OTUD7A: variants seen among roughly 807,000 people sequenced by gnomAD.
The protein encoded by OTUD7A is OTU domain-containing protein 7A.
In OTUD7A, 12 loss-of-function variants were observed where a neutral mutation model predicts 65.7. That is an observed-to-expected ratio of 0.18 (90% confidence interval 0.12 to 0.30). The LOEUF is 0.30. Among genes scored for constraint, OTUD7A ranks in the 10% least tolerant of loss-of-function variants. OTUD7A has a pLI of 1.00. For synonymous variants in OTUD7A, 641 were observed against 586.3 expected (o/e 1.09, Z -1.35); for missense variants, 1,148 against 1,304.8 (o/e 0.88, Z 1.85).
At chr15:31,735,860 T>A (rs1595735528) in intron 1 of OTUD7A, among the ~76,000 whole-genome samples, 1 of 152,162 alleles carries the variant, frequency 6.6e-6, no homozygotes, top group Admixed American at 6.5e-5. Context: ...TACATAAACA[T>A]CATGGAATAC....
intron 1 of OTUD7A, among the ~76,000 whole-genome samples, chr15:31,869,185 A>G (rs187516986): frequency 5.9e-5 from 9 of 152,130 alleles, no homozygotes; most frequent in Admixed American, 2.6e-4. Context: ...TTTAGTGGGG[A>G]ATGTTTATCC....
intron 5 of OTUD7A, among the ~76,000 whole-genome samples, chr15:31,534,654 A>G (rs187057963): frequency 6.6e-6 from 1 of 152,340 alleles, no homozygotes; most frequent in East Asian, 1.9e-4. Flanking sequence ...CACACAGAAA[A>G]TCATAAGGAA....
In OTUD7A at chr15:31,753,707, T is replaced by TAACCTGTG. The variant is rs1567004946; in HGVS notation, c.-99-96631_-99-96630insCACAGGTT. Among the ~76,000 whole-genome samples, 168 of 75,334 alleles carry TAACCTGTG rather than the reference T, an allele frequency of 2.2e-3. 1 individual carries two copies. Among genetic ancestry groups the TAACCTGTG allele is most frequent in the African/African-American group, 0.011 (164 of 15,216 alleles). The allele number at this position is 75,334 out of a possible 152,430, so 49.4% of individuals were successfully genotyped here. On this transcript the variant is annotated intron_variant, in intron 1 of 12. Coordinates refer to ENST00000307050, the MANE Select transcript of OTUD7A (RefSeq NM_001382637.1). Reference sequence around the variant, plus strand: ...GTGAGATATATATATATATATTATATATATATATATATATTATATATATAT... The same window carrying TAACCTGTG: ...GTGAGATATATATATATATATTATATAACCTGTGATATATATATATATTATATATATAT...
rs1349631669 is a variant in OTUD7A at position 31,484,007 on chromosome 15, TGGCGGCGGCGGCGGCGGCGGCAGC to T, written c.2065_2088del (p.Ala689_Ala696del). Reference sequence around the variant, plus strand: ...GGTCTGCGCGGCGGCCGCTTGGCCGTGGCGGCGGCGGCGGCGGCGGCAGCGGCGGCCGCAGTAGCGGCGTCGCGG... The same window carrying T: ...GGTCTGCGCGGCGGCCGCTTGGCCGTGGCGGCCGCAGTAGCGGCGTCGCGG... On this transcript the variant is annotated inframe_deletion, in exon 13 of 13. Transcript: ENST00000307050. This position sits in a 1 kb window ranked among gnomAD's most constrained non-coding sequence, Gnocchi z 4.5. 9.4e-6 allele frequency: 11 copies of T among 1,171,294 alleles called. No homozygotes were observed. The highest frequency in any genetic ancestry group is 4.7e-5 in the Admixed American group (1 of 21,220). 72.6% of individuals were successfully genotyped at this position (1,171,294 alleles called of 1,614,324 possible).
intron 1 of OTUD7A, among the ~76,000 whole-genome samples, chr15:31,796,653 T>C (rs775035461): frequency 6.6e-6 from 1 of 152,224 alleles, no homozygotes; most frequent in African/African-American, 2.4e-5. Flanking sequence ...AGGAAAAAAG[T>C]AGCCACCAAG....
intron 1 of OTUD7A, among the ~76,000 whole-genome samples, chr15:31,823,960 G>T (rs1243202927): frequency 6.6e-6 from 1 of 152,110 alleles, no homozygotes; most frequent in African/African-American, 2.4e-5. Context: ...TTCATTCATG[G>T]GTTATTTCAT....
chr15:31,853,420 G>A (rs1488857311), intron 1 of OTUD7A, among the ~76,000 whole-genome samples: 3 of 152,190 alleles, frequency 2.0e-5, no homozygotes, highest in African/African-American at 7.2e-5. Flanking sequence ...AAATCAAGGA[G>A]ACAGACACAA....
rs1464555969 is a variant in OTUD7A at position 31,487,823 on chromosome 15, C to T, written c.1172-257G>A. Among the ~76,000 whole-genome samples the T allele has an allele frequency of 2.6e-5, 4 of 152,186 alleles. No homozygotes were observed. The highest frequency in any genetic ancestry group is 6.5e-5 in the Admixed American group (1 of 15,290). ...TTGGGTCTGTCCAATGGCAGATACT[C>T]CATTGGGCAGCAGAATGGGAAAAAA... On this transcript the variant is annotated intron_variant, in intron 10 of 12. Coordinates refer to ENST00000307050, the MANE Select transcript of OTUD7A (RefSeq NM_001382637.1). This position sits in a 1 kb window ranked among gnomAD's most constrained non-coding sequence, Gnocchi z 6.0.
chr15:31,529,763 TG>T (rs1000217255), intron 6 of OTUD7A, among the ~76,000 whole-genome samples: 1 of 152,210 alleles, frequency 6.6e-6, no homozygotes. Context: ...GAGAGAGGTC[TG>T]GGGGCTGGCC....
intron 1 of OTUD7A, among the ~76,000 whole-genome samples, chr15:31,859,881 C>T (rs1376590885): frequency 1.3e-5 from 2 of 152,208 alleles, no homozygotes; most frequent in African/African-American, 4.8e-5. Context: ...AGCACGTACC[C>T]AGCAGTGACA....
chr15:31,864,279 A>G (rs1048336828), intron 1 of OTUD7A, among the ~76,000 whole-genome samples: 1 of 152,008 alleles, frequency 6.6e-6, no homozygotes, highest in Non-Finnish European at 1.5e-5. Context: ...TCACTTCCAC[A>G]TTTTCGAGTA....
At chr15:31,830,346 T>C (rs910280185) in intron 1 of OTUD7A, among the ~76,000 whole-genome samples, 1 of 152,150 alleles carries the variant, frequency 6.6e-6, no homozygotes, top group Non-Finnish European at 1.5e-5. Context: ...ATATCTGCAA[T>C]ACCAATGGAG....
chr15:31,521,353 C>T (rs1375224906), intron 8 of OTUD7A, among the ~76,000 whole-genome samples: 1 of 152,198 alleles, frequency 6.6e-6, no homozygotes, highest in Non-Finnish European at 1.5e-5. Context: ...AAGGCTCCTA[C>T]TTGAGAACCA....
At chr15:31,619,370 T>C (rs1890700803) in intron 3 of OTUD7A, among the ~76,000 whole-genome samples, 1 of 152,210 alleles carries the variant, frequency 6.6e-6, no homozygotes, top group African/African-American at 2.4e-5. Context: ...TTGGGCAGTA[T>C]GGCCATTTGA....
intron 3 of OTUD7A, among the ~76,000 whole-genome samples, chr15:31,602,403 AC>A (rs1890104546): frequency 6.6e-6 from 1 of 152,054 alleles, no homozygotes; most frequent in African/African-American, 2.4e-5. Flanking sequence ...AAAATTCAAC[AC>A]CCCTTCATGG....
chr15:31,484,194 G>A lies in OTUD7A; in HGVS notation c.1902C>T (p.Ala634=), dbSNP rs755935060. ...DVKLSLNILR[A]AMQGERKFIF... is the part of the protein sequence containing the mutation. ...TGAACTTGCGCTCCCCCTGCATGGC[G>A]GCGCGCAGGATGTTGAGGCTCAGCT... is the stretch of plus-strand genomic sequence containing the variant. Residue 634 remains alanine, a synonymous_variant, in exon 13 of 13, where the codon GCC becomes GCT. Coordinates refer to ENST00000307050, the MANE Select transcript of OTUD7A (RefSeq NM_001382637.1). The surrounding 1 kb of genome is among the most constrained non-coding windows in gnomAD (Gnocchi z 4.5). 6.2e-7 allele frequency: 1 copy of A among 1,609,556 alleles called. No homozygotes were observed. Among genetic ancestry groups the A allele is most frequent in the Non-Finnish European group, 8.5e-7 (1 of 1,179,160 alleles).
chr15:31,661,017 A>T (rs1338553177), intron 1 of OTUD7A, among the ~76,000 whole-genome samples: 1 of 152,204 alleles, frequency 6.6e-6, no homozygotes, highest in Non-Finnish European at 1.5e-5. Flanking sequence ...AATGGGAAGG[A>T]GACATGCCTT....
At chr15:31,640,719 T>C (rs4779909) in intron 3 of OTUD7A, among the ~76,000 whole-genome samples, 27,024 of 152,156 alleles carry the variant, frequency 0.18, 2,596 homozygotes, top group East Asian at 0.25. Flanking sequence ...AAAAAACTAC[T>C]TTATTGTATA....
intron 1 of OTUD7A, among the ~76,000 whole-genome samples, chr15:31,742,037 C>G (rs1894358364): frequency 6.6e-6 from 1 of 152,030 alleles, no homozygotes; most frequent in Non-Finnish European, 1.5e-5. Context: ...ACTTGGATAG[C>G]CCTATAACCA....
Sources: gnomAD v4.1 joint callset for allele counts (sites outside exome capture counted in the v4.1 genomes callset) on GRCh38, gnomAD v4.1.1 for gene constraint, Gnocchi (gnomAD v3.1) non-coding constraint, MANE v1.5 for transcripts, NCBI Gene and HGNC (gene_info 2026-07-23, HGNC 2026-07-21) for gene names.